The following RAB18 variants were observed in gnomAD, a reference collection of about 807,000 sequenced individuals.
RAB18 encodes the protein RAB18, member RAS oncogene family.
In RAB18, 10 loss-of-function variants were observed where a neutral mutation model predicts 28.5. The observed-to-expected ratio is 0.35, with a 90% CI of 0.22 to 0.60. The LOEUF is 0.60. Ranked by LOEUF, RAB18 falls within the 20% of genes least tolerant of loss-of-function variation. The pLI is 0.78. For synonymous variants in RAB18, 93 were observed against 86.9 expected, an observed-to-expected ratio of 1.07 and a Z score of -0.39; for missense variants, 188 against 244.2, an observed-to-expected ratio of 0.77 and a Z score of 1.53.
chr10:27,504,701 C>T lies in RAB18; in HGVS notation c.68+264C>T, dbSNP rs146545118. 5.7e-3 allele frequency: 3,936 copies of T among 696,440 alleles called. 45 individuals are homozygous for T. Among genetic ancestry groups the T allele is most frequent in the South Asian group, 0.016 (1,124 of 68,760 alleles). 43.1% of individuals were successfully genotyped at this position (696,440 alleles called of 1,614,324 possible). A position where few individuals can be genotyped will look rare whatever the true frequency, so the allele number is the denominator to read the frequency against. The stretch of plus-strand genomic sequence containing the variant: ...CTGTAGCGCCGAGAAAACACCATTC[C>T]GAGGGCCGCCGCTCGGCCGGCAGGT... On this transcript the variant is annotated intron_variant, in intron 1 of 6. Coordinates refer to ENST00000356940, the MANE Select transcript of RAB18 (RefSeq NM_021252.5).
rs146710742 is a variant in RAB18, at chr10:27,520,075, C to T, written c.125-6753C>T. 2.6e-4 allele frequency among the ~76,000 whole-genome samples: 40 copies of T among 152,184 alleles called. No individual in the cohort carries two copies. The South Asian group carries it at 8.1e-3, about 31-fold the overall frequency. On this transcript the variant is annotated intron_variant, in intron 2 of 6. Coordinates refer to ENST00000356940, the MANE Select transcript of RAB18 (RefSeq NM_021252.5). Reference sequence around the variant, plus strand: ...TTTAAAAACCTTCATTCTTTTAATGCGATGTATTACTTTGATTCATTTTTC... The same window carrying T: ...TTTAAAAACCTTCATTCTTTTAATGTGATGTATTACTTTGATTCATTTTTC...
At chr10:27,537,616 C>A (rs769219347) in intron 6 of RAB18, among the ~76,000 whole-genome samples, 1 of 152,152 alleles carries the variant, frequency 6.6e-6, no homozygotes, top group Non-Finnish European at 1.5e-5. Flanking sequence ...TTACAAGTTA[C>A]AATTCTATCA....
At chr10:27,535,897 C>T (rs1834884822) in intron 6 of RAB18, among the ~76,000 whole-genome samples, 1 of 152,058 alleles carries the variant, frequency 6.6e-6, no homozygotes, top group East Asian at 1.9e-4. Flanking sequence ...CCATGGCTAA[C>T]ACGGTGAAAC....
chr10:27,514,618 A>G (rs534839196), intron 2 of RAB18, among the ~76,000 whole-genome samples: 1 of 152,348 alleles, frequency 6.6e-6, no homozygotes, highest in East Asian at 1.9e-4. Context: ...AATGATAGAT[A>G]TGGAAATCAG....
rs1835052934 is a variant in RAB18, at chr10:27,542,158, G to C, written c.*4107G>C. On this transcript the variant is annotated 3_prime_UTR_variant, in exon 7 of 7. Coordinates refer to ENST00000356940, the MANE Select transcript of RAB18 (RefSeq NM_021252.5). Reference sequence around the variant, plus strand: ...TCTATTGGAGCCCTTGGGAACTTCTGGATCAAATTGGACCTGAATTGAGAT... The same window carrying C: ...TCTATTGGAGCCCTTGGGAACTTCTCGATCAAATTGGACCTGAATTGAGAT... The C allele has an allele frequency of 2.2e-6, 1 of 453,938 alleles. No homozygotes were observed. The highest frequency in any genetic ancestry group is 2.4e-5 in the Admixed American group (1 of 42,540). 28.1% of individuals were successfully genotyped at this position (453,938 alleles called of 1,614,324 possible). A position where few individuals can be genotyped will look rare whatever the true frequency, so the allele number is the denominator to read the frequency against.
intron 6 of RAB18, among the ~76,000 whole-genome samples, chr10:27,535,186 A>G (rs1834868590): frequency 6.6e-6 from 1 of 152,266 alleles, no homozygotes; most frequent in Non-Finnish European, 1.5e-5. Context: ...CATGGGCTGC[A>G]TGTGGCCCAG....
intron 2 of RAB18, 80 bp downstream of exon 2, chr10:27,510,010 T>G (rs920271927): frequency 9.3e-7 from 1 of 1,077,162 alleles, no homozygotes; most frequent in Non-Finnish European, 1.4e-6. Flanking sequence ...TCCTTCTACC[T>G]TCCTCTCACC....
In RAB18 at chr10:27,533,978, T is replaced by G; in HGVS notation, c.429T>G (p.His143Gln). 1 of 1,600,640 alleles carries G rather than the reference T, an allele frequency of 6.2e-7. No individual in the cohort carries two copies. Among genetic ancestry groups the G allele is most frequent in the Non-Finnish European group, 8.6e-7 (1 of 1,167,802 alleles). The change falls in exon 6 of 7, where the codon CAT becomes CAG. Residue 143 changes from histidine to glutamine, a missense_variant. Transcript: ENST00000356940. The stretch of plus-strand genomic sequence containing the variant: ...AAGGCCTGAAATTTGCACGAAAGCA[T>G]TCCATGTTATTTATAGGTAGGTGTG... ...RNEGLKFARK[H>Q]SMLFIEASAK...
Position 27,539,737 on chromosome 10 carries a change from G to A in RAB18, c.*1686G>A, listed in dbSNP as rs990975175. On this transcript the variant is annotated 3_prime_UTR_variant, in exon 7 of 7. Coordinates refer to ENST00000356940, the MANE Select transcript of RAB18 (RefSeq NM_021252.5). ...TTGGTCTAAATTTGAATATATATGA[G>A]TTACTTGAATATAACAAAAATGAAT... The A allele has an allele frequency of 1.8e-5, 8 of 451,190 alleles. No individual in the cohort carries two copies. Among genetic ancestry groups the A allele is most frequent in the African/African-American group, 1.4e-4 (7 of 49,696 alleles). The allele number at this position is 451,190 out of a possible 1,614,324, so 27.9% of individuals were successfully genotyped here. A position where few individuals can be genotyped will look rare whatever the true frequency, so the allele number is the denominator to read the frequency against.
At chr10:27,506,438 C>T (rs536754128) in intron 1 of RAB18, among the ~76,000 whole-genome samples, 2 of 152,128 alleles carry the variant, frequency 1.3e-5, no homozygotes, top group Non-Finnish European at 2.9e-5. Flanking sequence ...CCTCCCACCT[C>T]AGCCTTTTGA....
chr10:27,507,708 T>A (rs1367135135), intron 1 of RAB18, among the ~76,000 whole-genome samples: 1 of 151,986 alleles, frequency 6.6e-6, no homozygotes, highest in Non-Finnish European at 1.5e-5. Flanking sequence ...CTCCTTTAAC[T>A]TTGAAAATAT....
At chr10:27,525,559 G>A (rs1278284798) in intron 2 of RAB18, among the ~76,000 whole-genome samples, 1 of 151,958 alleles carries the variant, frequency 6.6e-6, no homozygotes, top group Non-Finnish European at 1.5e-5. Flanking sequence ...TTAGCATGTG[G>A]GATTTTTTGT....
intron 2 of RAB18, among the ~76,000 whole-genome samples, chr10:27,518,762 T>C (rs964011310): frequency 6.6e-6 from 1 of 152,108 alleles, no homozygotes; most frequent in Admixed American, 6.5e-5. Flanking sequence ...CAGCATATGT[T>C]TTTTATTTTG....
chr10:27,539,200 T>A lies in RAB18; in HGVS notation c.*1149T>A, dbSNP rs1333471582. 7 of 334,040 alleles carry A rather than the reference T, an allele frequency of 2.1e-5. No homozygotes were observed. Among genetic ancestry groups the A allele is most frequent in the African/African-American group, 1.5e-4 (7 of 46,248 alleles). 20.7% of individuals were successfully genotyped at this position (334,040 alleles called of 1,614,324 possible). On this transcript the variant is annotated 3_prime_UTR_variant, in exon 7 of 7. Coordinates refer to ENST00000356940, the MANE Select transcript of RAB18 (RefSeq NM_021252.5). The stretch of plus-strand genomic sequence containing the variant: ...CCTCTTGCTATTGTATATTGTAGAT[T>A]TTTTTCATTCATGTGTTATTTAATT...
intron 6 of RAB18, among the ~76,000 whole-genome samples, chr10:27,534,902 T>C (rs1012922674): frequency 2.0e-5 from 3 of 152,258 alleles, no homozygotes; most frequent in Admixed American, 2.0e-4. Context: ...TTACTTGCTG[T>C]ATGTCCCTCA....
intron 2 of RAB18, among the ~76,000 whole-genome samples, chr10:27,515,472 A>G (rs1354267235): frequency 6.6e-6 from 1 of 152,218 alleles, no homozygotes; most frequent in African/African-American, 2.4e-5. Flanking sequence ...TAATTGTTAA[A>G]ATATGTGAAA....
At chr10:27,533,427 C>T (rs1379439070) in intron 4 of RAB18, among the ~76,000 whole-genome samples, 1 of 151,642 alleles carries the variant, frequency 6.6e-6, no homozygotes, top group South Asian at 2.1e-4. Context: ...AGACCTCATT[C>T]ATCATTATGA....
chr10:27,505,105 C>A (rs376260948), intron 1 of RAB18: 1 of 532,706 alleles, frequency 1.9e-6, no homozygotes, highest in Non-Finnish European at 3.8e-6. Context: ...TTGCCACATC[C>A]TGTGGAGACA....
chr10:27,541,671 A>T lies in RAB18; in HGVS notation c.*3620A>T. 2.2e-6 allele frequency: 1 copy of T among 447,526 alleles called. No homozygotes were observed. Among genetic ancestry groups the T allele is most frequent in the Admixed American group, 2.4e-5 (1 of 41,198 alleles). 27.7% of individuals were successfully genotyped at this position (447,526 alleles called of 1,614,324 possible). On this transcript the variant is annotated 3_prime_UTR_variant, in exon 7 of 7. Transcript: ENST00000356940. ...TTTCCTCTTTTTTAACCGGAGAAGCAACAAATTACGTAGTTTTTTTTGTGT... is the reference window on the plus strand; with the variant it reads ...TTTCCTCTTTTTTAACCGGAGAAGCTACAAATTACGTAGTTTTTTTTGTGT...
Sources: gnomAD v4.1 joint callset for allele counts (sites outside exome capture counted in the v4.1 genomes callset) on GRCh38, gnomAD v4.1.1 for gene constraint, MANE v1.5 for transcripts, NCBI Gene and HGNC (gene_info 2026-07-23, HGNC 2026-07-21) for gene names.